CCNY: variants seen among roughly 807,000 people sequenced by gnomAD.
CCNY encodes the protein cyclin Y.
In CCNY, 19 loss-of-function variants were observed where a neutral mutation model predicts 42.8. The observed-to-expected ratio is 0.44, with a 90% CI of 0.31 to 0.65. The LOEUF (loss-of-function observed/expected upper bound fraction) is 0.65, where lower values mean the gene tolerates loss of function less well. Among genes scored for constraint, CCNY ranks in the 30% least tolerant of loss-of-function variants. The pLI is 0.07. For synonymous variants in CCNY, 165 were observed against 162.7 expected, an observed-to-expected ratio of 1.01 and a Z score of -0.11; for missense variants, 370 against 437.3, an observed-to-expected ratio of 0.85 and a Z score of 1.37.
rs1315132837 is a variant in CCNY at position 35,482,751 on chromosome 10, TG to T, written c.155-652del. Among the ~76,000 whole-genome samples the T allele has an allele frequency of 4.2e-4, 18 of 42,740 alleles. No homozygotes were observed. In the South Asian group the frequency reaches 0.013, roughly 31 times the overall value. 28.0% of individuals were successfully genotyped at this position (42,740 alleles called of 152,430 possible). On this transcript the variant is annotated intron_variant, in intron 1 of 9. Transcript: ENST00000374704. The stretch of plus-strand genomic sequence containing the variant: ...TTTCTCAAGGGAAGCTGGAAATAGG[TG>T]TGTGTGTGTGTGTGTGTGTGTGTGT...
chr10:35,501,210 A>G (rs1840103827), intron 2 of CCNY, among the ~76,000 whole-genome samples: 6 of 152,136 alleles, frequency 3.9e-5, no homozygotes, highest in Admixed American at 1.3e-4. Flanking sequence ...GAGGGTTACT[A>G]ATTACTTTTT....
chr10:35,558,698 G>T (rs1701467143), intron 8 of CCNY, among the ~76,000 whole-genome samples: 1 of 152,212 alleles, frequency 6.6e-6, no homozygotes, highest in South Asian at 2.1e-4. Flanking sequence ...CAACACAGAG[G>T]GATGGCCATG....
intron 1 of CCNY, among the ~76,000 whole-genome samples, chr10:35,378,758 G>A (rs997211360): frequency 2.3e-4 from 35 of 152,148 alleles, no homozygotes; most frequent in African/African-American, 8.2e-4. Context: ...TAGGCACAGA[G>A]GGTGTACTGT....
At chr10:35,568,425 G>A (rs1293557701) in intron 9 of CCNY, among the ~76,000 whole-genome samples, 1 of 152,228 alleles carries the variant, frequency 6.6e-6, no homozygotes, top group East Asian at 1.9e-4. Context: ...GCAGCCCTGG[G>A]AGAGTTGTTG....
In CCNY at chr10:35,351,991, C is replaced by T. The variant is rs548933228; in HGVS notation, c.154+14784C>T. ...TAAGTTAGCCACATTGTTTTGTTTG[C>T]TTCTGAGTGTGTAAGTGATCTACCT... On this transcript the variant is annotated intron_variant, in intron 1 of 9. Coordinates refer to ENST00000374704, the MANE Select transcript of CCNY (RefSeq NM_145012.6). Among the ~76,000 whole-genome samples the T allele has an allele frequency of 5.9e-5, 9 of 152,282 alleles. No individual in the cohort carries two copies. The South Asian group carries it at 1.7e-3, about 28-fold the overall frequency.
chr10:35,531,053 A>C (rs1814826886), intron 7 of CCNY, among the ~76,000 whole-genome samples: 1 of 152,254 alleles, frequency 6.6e-6, no homozygotes, highest in African/African-American at 2.4e-5. Context: ...CGAGGGGCAG[A>C]GCGAGACCCT....
chr10:35,259,495 GTTTTTTTTTTTT>G (rs35988898), intron 3 of CCNY, among the ~76,000 whole-genome samples: 5 of 65,146 alleles, frequency 7.7e-5, no homozygotes, highest in East Asian at 5.3e-4. Context: ...AGTCCTGGTT[GTTTTTTTTTTTT>G]TTTTTTTTTT....
chr10:35,276,638 G>A (rs1310074333), intron 3 of CCNY, among the ~76,000 whole-genome samples: 6 of 152,054 alleles, frequency 3.9e-5, no homozygotes, highest in South Asian at 2.1e-4. Flanking sequence ...CTCCTGCCTC[G>A]GCCTCCCAAA....
At chr10:35,349,976 G>A (rs1836393055) in intron 1 of CCNY, among the ~76,000 whole-genome samples, 1 of 152,172 alleles carries the variant, frequency 6.6e-6, no homozygotes, top group African/African-American at 2.4e-5. Flanking sequence ...CGGCCTCAGG[G>A]GTTGCAGGGG....
At chr10:35,537,317 C>T (rs1467671797) in intron 7 of CCNY, among the ~76,000 whole-genome samples, 1 of 152,170 alleles carries the variant, frequency 6.6e-6, no homozygotes, top group Non-Finnish European at 1.5e-5. Context: ...GAACCTTTGC[C>T]AGGACTGTGT....
chr10:35,352,083 A>G (rs1311010273), intron 1 of CCNY, among the ~76,000 whole-genome samples: 1 of 152,188 alleles, frequency 6.6e-6, no homozygotes, highest in African/African-American at 2.4e-5. Context: ...ATTTTATTCC[A>G]TTGAAGTGTT....
intron 8 of CCNY, among the ~76,000 whole-genome samples, chr10:35,563,888 T>G (rs1459721193): frequency 1.3e-5 from 2 of 150,264 alleles, no homozygotes; most frequent in African/African-American, 4.9e-5. Context: ...TTTTTTTTTT[T>G]TTTTTGAGAC....
At chr10:35,557,870 G>A (rs1841390877) in intron 8 of CCNY, among the ~76,000 whole-genome samples, 1 of 152,150 alleles carries the variant, frequency 6.6e-6, no homozygotes, top group African/African-American at 2.4e-5. Context: ...ATATTTTTGT[G>A]TATGATGATT....
At chr10:35,449,754 T>G in intron 1 of CCNY, 1 of 985,194 alleles carries the variant, frequency 1.0e-6, no homozygotes, top group Non-Finnish European at 1.2e-6. Context: ...GTGAGCACAA[T>G]GGAGGCAAGA....
chr10:35,504,032 G>A (rs1446877557), intron 3 of CCNY, among the ~76,000 whole-genome samples: 1 of 152,038 alleles, frequency 6.6e-6, no homozygotes, highest in African/African-American at 2.4e-5. Flanking sequence ...GTTATTTTTC[G>A]CCCTTATTAT....
rs147179799 is a variant in CCNY at position 35,298,706 on chromosome 10, G to A, written c.-9+48080G>A. Among the ~76,000 whole-genome samples the A allele has an allele frequency of 8.8e-3, 1,343 of 152,074 alleles. 41 individuals carry two copies. In the South Asian group the frequency reaches 0.1, roughly 12 times the overall value. On this transcript the variant is annotated intron_variant, in intron 3 of 11. Coordinates refer to the CCNY transcript ENST00000374706. ...TAATTTTTTTTATTTAATTTTTTGCGGAGACAGGGTTTCACTATGTTGCTC... is the reference window on the plus strand; with the variant it reads ...TAATTTTTTTTATTTAATTTTTTGCAGAGACAGGGTTTCACTATGTTGCTC...
At chr10:35,498,422 GC>G (rs1840044497) in intron 2 of CCNY, among the ~76,000 whole-genome samples, 1 of 152,134 alleles carries the variant, frequency 6.6e-6, no homozygotes, top group Admixed American at 6.5e-5. Context: ...CTTGCAACAG[GC>G]CCTTTAAGGA....
At chr10:35,508,679 C>T (rs1243884434) in intron 3 of CCNY, among the ~76,000 whole-genome samples, 1 of 152,186 alleles carries the variant, frequency 6.6e-6, no homozygotes, top group East Asian at 1.9e-4. Context: ...CAGTCTATCC[C>T]ATAGGGTTTT....
At position 35,442,983 on chromosome 10, in the gene CCNY, T is replaced by C. The variant is rs547198199; in HGVS notation, c.155-40421T>C. Among the ~76,000 whole-genome samples, 92 of 152,350 alleles carry C rather than the reference T, an allele frequency of 6.0e-4. No individual in the cohort carries two copies. In the South Asian group the frequency reaches 0.017, roughly 28 times the overall value. ...CAGCATCTGACTGGACTGAATACTT[T>C]AGGTAATTTGAACACAGTGGTTAAG... On this transcript the variant is annotated intron_variant, in intron 1 of 9. Coordinates refer to ENST00000374704, the MANE Select transcript of CCNY (RefSeq NM_145012.6).
Sources: allele counts gnomAD v4.1 joint callset (sites outside exome capture counted in the v4.1 genomes callset), GRCh38; gene constraint gnomAD v4.1.1; transcripts MANE v1.5; gene names NCBI Gene and HGNC (gene_info 2026-07-23, HGNC 2026-07-21).